The following UBASH3A variants were observed in gnomAD, a reference collection of about 807,000 sequenced individuals.
The protein encoded by UBASH3A is ubiquitin associated and SH3 domain containing A.
In UBASH3A, 63 loss-of-function variants were observed where a neutral mutation model predicts 73.5. The ratio of observed to expected loss-of-function variants is 0.86; its 90% confidence interval spans 0.70 to 1.06. UBASH3A has a LOEUF of 1.06. UBASH3A is among the 50% of genes least tolerant of loss of function. UBASH3A has a pLI of 0.00. For synonymous variants in UBASH3A, 363 were observed against 351.1 expected (o/e 1.03, Z -0.38); for missense variants, 860 against 859.0 (o/e 1.00, Z -0.02).
intron 14 of UBASH3A, among the ~76,000 whole-genome samples, chr21:42,445,004 TG>T (rs1306201957): frequency 6.6e-6 from 1 of 152,194 alleles, no homozygotes; most frequent in Non-Finnish European, 1.5e-5. Context: ...TCTGGGGACC[TG>T]GGGCAGGGCG....
intron 8 of UBASH3A, among the ~76,000 whole-genome samples, chr21:42,430,759 A>G (rs2053513586): frequency 6.6e-6 from 1 of 152,110 alleles, no homozygotes; most frequent in African/African-American, 2.4e-5. Context: ...GATGCTGTGG[A>G]CTGCAGCTTC....
intron 7 of UBASH3A, 125 bp downstream of exon 7, chr21:42,418,734 C>A: frequency 2.4e-6 from 2 of 849,790 alleles, no homozygotes; most frequent in East Asian, 2.7e-5. Context: ...TGTATGCTGA[C>A]AAAATTATTC....
At chr21:42,404,695 CCAACTGT>C (rs1355970713) in intron 1 of UBASH3A, among the ~76,000 whole-genome samples, 2 of 152,214 alleles carry the variant, frequency 1.3e-5, no homozygotes, top group African/African-American at 4.8e-5. Flanking sequence ...AACACTGGGA[CCAACTGT>C]CAGCAGGGCT....
intron 10 of UBASH3A, among the ~76,000 whole-genome samples, chr21:42,435,738 G>A (rs1488984494): frequency 1.3e-5 from 2 of 151,868 alleles, no homozygotes; most frequent in African/African-American, 4.8e-5. Context: ...TAGAGTTATA[G>A]AGTCATAGAT....
chr21:42,431,173 G>C (rs545162624), intron 8 of UBASH3A, among the ~76,000 whole-genome samples: 1 of 152,342 alleles, frequency 6.6e-6, no homozygotes, highest in South Asian at 2.1e-4. Context: ...CTCAAGGCCA[G>C]TCCCTCAACT....
chr21:42,413,104 C>T lies in UBASH3A; in HGVS notation c.435C>T (p.Ala145=), dbSNP rs780252174. The stretch of plus-strand genomic sequence containing the variant: ...GGCTCCTGGGCTCCTTCCCCACGGC[C>T]GTGCCTCTGGCTCTCCACTCCTCCA... The part of the protein sequence containing the change: ...GDRLLGSFPT[A]VPLALHSSIS... Residue 145 remains alanine (A), a synonymous_variant, in exon 4 of 15, where the codon GCC becomes GCT. Transcript: ENST00000319294. The surrounding 1 kb of genome is among the most constrained non-coding windows in gnomAD (Gnocchi z 4.5). The T allele has an allele frequency of 1.2e-5, 19 of 1,614,094 alleles. No individual in the cohort carries two copies. Among genetic ancestry groups the T allele is most frequent in the South Asian group, 9.9e-5 (9 of 91,090 alleles).
At chr21:42,409,653 C>T in intron 3 of UBASH3A, 45 bp downstream of exon 3, 1 of 1,554,906 alleles carries the variant, frequency 6.4e-7, no homozygotes, top group Non-Finnish European at 8.7e-7. Flanking sequence ...CAGCTGGAGG[C>T]ATTTTTCTGT....
intron 11 of UBASH3A, among the ~76,000 whole-genome samples, chr21:42,441,961 A>G (rs2053753569): frequency 6.6e-6 from 1 of 152,222 alleles, no homozygotes; most frequent in African/African-American, 2.4e-5. Context: ...GAGTCAGAAT[A>G]TTCCAGAAGA....
At position 42,413,725 on chromosome 21, in the gene UBASH3A, C is replaced by T. The variant is rs1053903169; in HGVS notation, c.667+202C>T. Among the ~76,000 whole-genome samples, 3 of 152,302 alleles carry T rather than the reference C, an allele frequency of 2.0e-5. No homozygotes were observed. The highest frequency in any genetic ancestry group is 3.4e-3 in the Middle Eastern group (1 of 294). The stretch of plus-strand genomic sequence containing the variant: ...TGGTGCACACAGGGAGTCAGGGCCT[C>T]CCCACCCCAGCCTTGAGTGGGAGAC... On this transcript the variant is annotated intron_variant, in intron 5 of 14. Transcript: ENST00000319294. The surrounding 1 kb of genome is among the most constrained non-coding windows in gnomAD (Gnocchi z 4.5).
At position 42,409,896 on chromosome 21, in the gene UBASH3A, T is replaced by G. The variant is rs545168478; in HGVS notation, c.354+288T>G. Among the ~76,000 whole-genome samples, 218 of 152,264 alleles carry G rather than the reference T, an allele frequency of 1.4e-3. 1 individual carries two copies. The highest frequency in any genetic ancestry group is 2.3e-3 in the Non-Finnish European group (159 of 68,010). On this transcript the variant is annotated intron_variant, in intron 3 of 14. Coordinates refer to ENST00000319294, the MANE Select transcript of UBASH3A (RefSeq NM_018961.4). ...CCCATTTTCTCGTTCATGTGTCTAG[T>G]GGCACTTTTGTATCATACGGGCCAT...
intron 5 of UBASH3A, among the ~76,000 whole-genome samples, chr21:42,416,141 A>C (rs1167373360): frequency 6.6e-6 from 1 of 152,130 alleles, no homozygotes; most frequent in African/African-American, 2.4e-5. Flanking sequence ...GGTAACGTGC[A>C]CACCCCGGGG....
At chr21:42,409,665 C>T in intron 3 of UBASH3A, 57 bp downstream of exon 3, 1 of 1,496,642 alleles carries the variant, frequency 6.7e-7, no homozygotes, top group Non-Finnish European at 9.1e-7. Context: ...TTTTTCTGTG[C>T]TAACTAGGCC....
intron 8 of UBASH3A, among the ~76,000 whole-genome samples, chr21:42,428,394 T>C (rs2053475883): frequency 1.3e-5 from 2 of 152,002 alleles, no homozygotes; most frequent in Admixed American, 1.3e-4. Context: ...GCTGGGTCCA[T>C]GAGAAATGGC....
rs768649867 is a variant in UBASH3A, at chr21:42,416,619, A to G, written c.837+8A>G. The G allele has an allele frequency of 5.1e-6, 8 of 1,557,558 alleles. No homozygotes were observed. Among genetic ancestry groups the G allele is most frequent in the Non-Finnish European group, 7.0e-6 (8 of 1,150,790 alleles). ...CGCTTTGTGCACTACCAGGTGAGAGAGCTGAGCAGGGGCTCATAAGAAGCA... is the reference window on the plus strand; with the variant it reads ...CGCTTTGTGCACTACCAGGTGAGAGGGCTGAGCAGGGGCTCATAAGAAGCA... On this transcript the variant is annotated splice_region_variant and intron_variant, in intron 6 of 14. Coordinates refer to ENST00000319294, the MANE Select transcript of UBASH3A (RefSeq NM_018961.4).
intron 7 of UBASH3A, among the ~76,000 whole-genome samples, chr21:42,424,549 T>G (rs1287508676): frequency 6.6e-6 from 1 of 152,112 alleles, no homozygotes; most frequent in Non-Finnish European, 1.5e-5. Flanking sequence ...AGCACCCCTG[T>G]GGGACAAACA....
chr21:42,443,991 T>C (rs1166682861), intron 13 of UBASH3A, among the ~76,000 whole-genome samples: 4 of 152,122 alleles, frequency 2.6e-5, no homozygotes, highest in Non-Finnish European at 5.9e-5. Context: ...CCCTGACCCA[T>C]CACACGGGTC....
rs1169819121 is a variant in UBASH3A at position 42,443,397 on chromosome 21, G to C, written c.1717G>C (p.Val573Leu). 1 of 1,611,342 alleles carries C rather than the reference G, an allele frequency of 6.2e-7. No individual in the cohort carries two copies. The highest frequency in any genetic ancestry group is 1.7e-4 in the Middle Eastern group (1 of 6,054). The change falls in exon 13 of 15, where the codon GTC becomes CTC. Residue 573 changes from valine to leucine, a missense_variant. By Grantham distance (32) the Val-to-Leu change is conservative. Coordinates refer to ENST00000319294, the MANE Select transcript of UBASH3A (RefSeq NM_018961.4). ...DRCTASMVQI[V>L]NTCPQDTGVI... is the part of the protein sequence containing the mutation. ...GTGCACGGCGAGCATGGTGCAAATC[G>C]TCAACACCTGTCCACAGGACAGTAA...
chr21:42,412,968 A>G (rs2053129901), intron 3 of UBASH3A, 56 bp from the exon 4 acceptor site: 1 of 1,388,250 alleles, frequency 7.2e-7, no homozygotes, highest in Middle Eastern at 1.8e-4. Context: ...AATTAAATTA[A>G]TAGATGACTT....
chr21:42,442,214 C>G (rs749369269), intron 11 of UBASH3A, among the ~76,000 whole-genome samples: 11 of 152,318 alleles, frequency 7.2e-5, no homozygotes, highest in Non-Finnish European at 1.6e-4. Context: ...CTGGCCCTTC[C>G]TGGCACACAG....
Sources: gnomAD v4.1 joint callset for allele counts (sites outside exome capture counted in the v4.1 genomes callset) on GRCh38, gnomAD v4.1.1 for gene constraint, Gnocchi (gnomAD v3.1) non-coding constraint, MANE v1.5 for transcripts, NCBI Gene and HGNC (gene_info 2026-07-23, HGNC 2026-07-21) for gene names.